The following ROBO2 variants were observed in gnomAD, a reference collection of about 807,000 sequenced individuals.
The protein encoded by ROBO2 is roundabout guidance receptor 2.
Under a neutral mutation model 160.8 loss-of-function variants are expected in ROBO2, and 53 were observed. The observed-to-expected ratio is 0.33, with a 90% CI of 0.26 to 0.41. The LOEUF is 0.41. Ranked by LOEUF, ROBO2 falls within the 10% of genes least tolerant of loss-of-function variation. ROBO2 has a pLI of 1.00. For synonymous variants in ROBO2, 664 were observed against 611.7 expected (o/e 1.09, Z -1.26); for missense variants, 1,577 against 1,722.4 (o/e 0.92, Z 1.49).
At chr3:75,957,167 T>C (rs552485368) in intron 2 of ROBO2, among the ~76,000 whole-genome samples, 1 of 151,654 alleles carries the variant, frequency 6.6e-6, no homozygotes, top group South Asian at 2.1e-4. Context: ...TACTGAAATA[T>C]TTTTAAACAT....
intron 2 of ROBO2, among the ~76,000 whole-genome samples, chr3:77,003,996 T>A (rs1268331062): frequency 7.9e-5 from 12 of 152,186 alleles, no homozygotes; most frequent in Non-Finnish European, 1.8e-4. Context: ...ATAATCAAAC[T>A]TAAAACATGT....
exon 26 of ROBO2, chr3:77,646,125 T>C (rs1414999589): frequency 9.2e-6 from 11 of 1,201,140 alleles, no homozygotes; most frequent in Non-Finnish European, 8.4e-6. Flanking sequence ...GTGATGACTC[T>C]AAACAGTGCA....
intron 2 of ROBO2, among the ~76,000 whole-genome samples, chr3:76,653,216 A>G (rs549122735): frequency 1.3e-5 from 2 of 151,990 alleles, no homozygotes; most frequent in East Asian, 1.9e-4. Flanking sequence ...CATAAAACCT[A>G]TATATTGTCT....
chr3:76,495,988 C>T (rs1158826217), intron 2 of ROBO2, among the ~76,000 whole-genome samples: 1 of 152,130 alleles, frequency 6.6e-6, no homozygotes, highest in Non-Finnish European at 1.5e-5. Context: ...AGAAAAGTAA[C>T]ATCGTATAGT....
chr3:76,858,034 G>A (rs1027803750), intron 2 of ROBO2, among the ~76,000 whole-genome samples: 1 of 151,776 alleles, frequency 6.6e-6, no homozygotes, highest in African/African-American at 2.4e-5. Flanking sequence ...CACTTCTTTT[G>A]GAAAATTTTC....
chr3:76,144,478 A>G (rs2071810494), intron 2 of ROBO2, among the ~76,000 whole-genome samples: 1 of 152,020 alleles, frequency 6.6e-6, no homozygotes. Flanking sequence ...AGCTCATTTC[A>G]ATTAGTTATA....
intron 2 of ROBO2, among the ~76,000 whole-genome samples, chr3:76,679,070 A>G (rs1488357610): frequency 6.6e-6 from 1 of 151,582 alleles, no homozygotes; most frequent in East Asian, 2.0e-4. Flanking sequence ...AATGGCCACC[A>G]GTGTTGTAAA....
intron 2 of ROBO2, among the ~76,000 whole-genome samples, chr3:76,342,394 C>T (rs1354509504): frequency 6.6e-6 from 1 of 152,050 alleles, no homozygotes; most frequent in African/African-American, 2.4e-5. Context: ...TTTCAATCCC[C>T]CTTGAACCCA....
At chr3:77,489,798 A>G (rs992553451) in intron 4 of ROBO2, among the ~76,000 whole-genome samples, 1 of 152,192 alleles carries the variant, frequency 6.6e-6, no homozygotes, top group Non-Finnish European at 1.5e-5. Context: ...ATAGGTAGAT[A>G]GTTTTAATAT....
intron 2 of ROBO2, among the ~76,000 whole-genome samples, chr3:76,920,600 C>T (rs975498429): frequency 1.3e-5 from 2 of 152,204 alleles, no homozygotes; most frequent in South Asian, 2.1e-4. Context: ...GCTTTTTAAA[C>T]TTCAATTAGT....
chr3:76,827,284 A>G (rs939229403), intron 2 of ROBO2, among the ~76,000 whole-genome samples: 6 of 152,180 alleles, frequency 3.9e-5, no homozygotes, highest in Admixed American at 2.0e-4. Flanking sequence ...TTTTTCTACT[A>G]CATCAAGAAA....
chr3:77,053,240 T>C (rs2149706718), intron 1 of ROBO2, among the ~76,000 whole-genome samples: 1 of 152,338 alleles, frequency 6.6e-6, no homozygotes, highest in South Asian at 2.1e-4. Context: ...TCAGCATGAT[T>C]CCAACATTAA....
intron 2 of ROBO2, among the ~76,000 whole-genome samples, chr3:76,478,019 T>TTTATTATTATTATTATTA (rs147308707): frequency 0.014 from 2,086 of 148,898 alleles, 47 homozygotes; most frequent in African/African-American, 0.047. Context: ...CCGCTACTTC[T>TTTATTATTATTATTATTA]TTATTATTAT....
At chr3:77,569,630 C>A (rs576889776) in intron 13 of ROBO2, among the ~76,000 whole-genome samples, 2 of 152,032 alleles carry the variant, frequency 1.3e-5, no homozygotes, top group East Asian at 3.9e-4. Flanking sequence ...ACGTAATTTG[C>A]AAACATTTTC....
At chr3:76,621,617 G>T (rs931644106) in intron 2 of ROBO2, among the ~76,000 whole-genome samples, 5 of 152,158 alleles carry the variant, frequency 3.3e-5, no homozygotes, top group Admixed American at 2.6e-4. Flanking sequence ...ATCTGTAAAT[G>T]AAAATAATAA....
intron 2 of ROBO2, among the ~76,000 whole-genome samples, chr3:76,839,370 T>C (rs1339145382): frequency 2.0e-5 from 3 of 152,166 alleles, no homozygotes; most frequent in South Asian, 2.1e-4. Context: ...TAACAATTTA[T>C]TGAGTTCATG....
In ROBO2 at chr3:76,543,630, G is replaced by A. The variant is rs186940358; in HGVS notation, c.110-554384G>A. On this transcript the variant is annotated intron_variant, in intron 2 of 26. Transcript: ENST00000487694. ...ATTATTTCACCTTCATGTCTCATCT[G>A]TGACCACGGTTTTGATGTAAATGTC... Among the ~76,000 whole-genome samples, 526 of 152,150 alleles carry A rather than the reference G, an allele frequency of 3.5e-3. 4 individuals are homozygous for A. The highest frequency in any genetic ancestry group is 4.9e-3 in the Non-Finnish European group (333 of 67,956).
intron 13 of ROBO2, 59 bp from the exon 15 acceptor site, chr3:77,574,440 C>A: frequency 3.6e-6 from 5 of 1,400,676 alleles, no homozygotes; most frequent in Non-Finnish European, 5.1e-6. Context: ...AGGACAAATT[C>A]ATTGTGTTGT....
At chr3:77,510,025 C>G (rs765339549) in intron 5 of ROBO2, among the ~76,000 whole-genome samples, 16 of 151,680 alleles carry the variant, frequency 1.1e-4, no homozygotes, top group African/African-American at 3.6e-4. Flanking sequence ...AGAGACAGCC[C>G]GAGAATTCTG....
Sources: allele counts gnomAD v4.1 joint callset (sites outside exome capture counted in the v4.1 genomes callset), GRCh38; gene constraint gnomAD v4.1.1; transcripts MANE v1.5; gene names NCBI Gene and HGNC (gene_info 2026-07-23, HGNC 2026-07-21).